Variants in ZNF804B observed in about 807,000 individuals in gnomAD.
ZNF804B encodes the protein zinc finger protein 804B, also known as zinc finger 804B.
ZNF804B carries 80 observed loss-of-function variants against 101.4 expected under a neutral mutation model. That is an observed-to-expected ratio of 0.79 (90% CI 0.66 to 0.95). The LOEUF is 0.95. Among genes scored for constraint, ZNF804B ranks in the 40% least tolerant of loss-of-function variants. The pLI, the probability that ZNF804B is intolerant of heterozygous loss-of-function variation, is 0.00. For missense variants in ZNF804B, 1,673 were observed against 1,561.9 expected (o/e 1.07, Z -1.20); for synonymous variants, 622 against 558.8 (o/e 1.11, Z -1.59).
intron 1 of ZNF804B, among the ~76,000 whole-genome samples, chr7:89,088,806 G>A (rs1289120975): frequency 1.3e-5 from 2 of 151,728 alleles, no homozygotes; most frequent in African/African-American, 2.4e-5. Flanking sequence ...TGAACAATGT[G>A]AAATGGGAGG....
At chr7:89,176,862 T>G (rs1791331148) in intron 1 of ZNF804B, among the ~76,000 whole-genome samples, 1 of 152,040 alleles carries the variant, frequency 6.6e-6, no homozygotes, top group Non-Finnish European at 1.5e-5. Context: ...TGGTTCAATC[T>G]TGGTAGGTTG....
At chr7:89,234,283 G>A (rs1404628199) in intron 2 of ZNF804B, among the ~76,000 whole-genome samples, 1 of 148,004 alleles carries the variant, frequency 6.8e-6, no homozygotes, top group Non-Finnish European at 1.5e-5. Context: ...TTTTTATTGT[G>A]GTCAACCCCC....
At position 88,759,889 on chromosome 7, in the gene ZNF804B, G is replaced by A; in HGVS notation, c.-88G>A. Reference sequence around the variant, plus strand: ...GGCCGCGTCTTCTCGGGAGGTGGTAGTCGCTGTTGCCGCTGAGAAACCCGC... The same window carrying A: ...GGCCGCGTCTTCTCGGGAGGTGGTAATCGCTGTTGCCGCTGAGAAACCCGC... On this transcript the variant is annotated 5_prime_UTR_variant, in exon 1 of 4. Transcript: ENST00000333190. The A allele has an allele frequency of 9.3e-7, 1 of 1,078,774 alleles. No individual in the cohort carries two copies. The highest frequency in any genetic ancestry group is 2.4e-5 in the East Asian group (1 of 41,906). The allele number at this position is 1,078,774 out of a possible 1,614,324, so 66.8% of individuals were successfully genotyped here. A position where few individuals can be genotyped will look rare whatever the true frequency, so the allele number is the denominator to read the frequency against.
intron 2 of ZNF804B, among the ~76,000 whole-genome samples, chr7:89,272,508 G>C (rs760223377): frequency 2.6e-5 from 4 of 152,042 alleles, no homozygotes; most frequent in Admixed American, 6.6e-5. Flanking sequence ...TTAGAAAGTT[G>C]TTCTTAATAA....
At chr7:89,114,581 G>C (rs562185896) in intron 1 of ZNF804B, among the ~76,000 whole-genome samples, 1 of 152,234 alleles carries the variant, frequency 6.6e-6, no homozygotes, top group Non-Finnish European at 1.5e-5. Flanking sequence ...CTTTCTTATT[G>C]ATGCTCTTTT....
intron 1 of ZNF804B, among the ~76,000 whole-genome samples, chr7:88,914,417 T>G (rs931116711): frequency 6.6e-6 from 1 of 152,150 alleles, no homozygotes; most frequent in Non-Finnish European, 1.5e-5. Flanking sequence ...GAAAAACATG[T>G]GACTTGAAGA....
At chr7:89,022,492 A>C (rs1382068615) in intron 1 of ZNF804B, among the ~76,000 whole-genome samples, 1 of 152,080 alleles carries the variant, frequency 6.6e-6, no homozygotes, top group Admixed American at 6.6e-5. Flanking sequence ...TTCAATTACT[A>C]TATATTTTTC....
intron 1 of ZNF804B, among the ~76,000 whole-genome samples, chr7:88,962,179 C>T (rs887421297): frequency 1.3e-5 from 2 of 151,194 alleles, no homozygotes; most frequent in African/African-American, 4.8e-5. Context: ...TATCTCTGCA[C>T]TCACTTCCTT....
At chr7:89,294,336 C>T (rs1417946626) in intron 2 of ZNF804B, among the ~76,000 whole-genome samples, 1 of 152,068 alleles carries the variant, frequency 6.6e-6, no homozygotes, top group Non-Finnish European at 1.5e-5. Context: ...TAGCCAAGTA[C>T]AAAATTTGAG....
chr7:88,828,610 T>C (rs1791082655), intron 1 of ZNF804B, among the ~76,000 whole-genome samples: 1 of 152,172 alleles, frequency 6.6e-6, no homozygotes, highest in African/African-American at 2.4e-5. Flanking sequence ...ATGTTAGTTA[T>C]TATAATGAAT....
chr7:89,216,753 C>T (rs751650479), intron 1 of ZNF804B, among the ~76,000 whole-genome samples: 1 of 152,150 alleles, frequency 6.6e-6, no homozygotes, highest in African/African-American at 2.4e-5. Context: ...TGAAAATATG[C>T]GTAAATTATT....
chr7:88,899,365 G>T (rs1215386802), intron 1 of ZNF804B, among the ~76,000 whole-genome samples: 1 of 152,054 alleles, frequency 6.6e-6, no homozygotes. Context: ...CTGCTCTAAG[G>T]TTACATACAT....
chr7:88,879,368 T>G (rs988507269), intron 1 of ZNF804B, among the ~76,000 whole-genome samples: 3 of 152,204 alleles, frequency 2.0e-5, no homozygotes, highest in African/African-American at 4.8e-5. Context: ...GAAAGGCATA[T>G]AGTACATAAA....
rs530237056 is a variant in ZNF804B, at chr7:88,896,557, A to G, written c.108+136473A>G. 2.0e-5 allele frequency among the ~76,000 whole-genome samples: 3 copies of G among 152,280 alleles called. No homozygotes were observed. In the South Asian group the frequency reaches 6.2e-4, roughly 32 times the overall value. ...ATTTTTTATTTTTATATTCATGTAT[A>G]CTTCATGTATGATTTTGTATGTTGA... On this transcript the variant is annotated intron_variant, in intron 1 of 3. Transcript: ENST00000333190.
In ZNF804B at chr7:89,335,610, C is replaced by A. The variant is rs1480067822; in HGVS notation, c.2628C>A (p.Gly876=). The A allele has an allele frequency of 6.2e-7, 1 of 1,613,962 alleles. No homozygotes were observed. The highest frequency in any genetic ancestry group is 8.5e-7 in the Non-Finnish European group (1 of 1,179,946). The stretch of plus-strand genomic sequence containing the variant: ...GCAAGAGAAATCAAGAGTCTTTGGG[C>A]AGCCCTCACATTTGTGATCTGGGAA... ...NKSKRNQESL[G]SPHICDLGKV... Residue 876 remains glycine (G), a synonymous_variant, in exon 4 of 4, where the codon GGC becomes GGA. Coordinates refer to ENST00000333190, the MANE Select transcript of ZNF804B (RefSeq NM_181646.5).
intron 1 of ZNF804B, among the ~76,000 whole-genome samples, chr7:88,980,981 C>T (rs1793685418): frequency 6.6e-6 from 1 of 152,054 alleles, no homozygotes; most frequent in Non-Finnish European, 1.5e-5. Flanking sequence ...ACTTAGGAAT[C>T]TACTTGGCGC....
intron 1 of ZNF804B, among the ~76,000 whole-genome samples, chr7:88,793,849 A>G (rs572478755): frequency 6.6e-6 from 1 of 152,032 alleles, no homozygotes; most frequent in African/African-American, 2.4e-5. Context: ...CTCTTGAGGG[A>G]TTGGATGATA....
At chr7:89,154,893 A>G (rs1790933649) in intron 1 of ZNF804B, among the ~76,000 whole-genome samples, 1 of 152,044 alleles carries the variant, frequency 6.6e-6, no homozygotes, top group Admixed American at 6.6e-5. Context: ...AAATCCTGTA[A>G]TTGTGTTACA....
intron 1 of ZNF804B, among the ~76,000 whole-genome samples, chr7:88,862,356 C>T (rs920893257): frequency 2.6e-5 from 4 of 152,150 alleles, no homozygotes; most frequent in Middle Eastern, 3.4e-3. Flanking sequence ...TTTAGCCAAT[C>T]GTGCAATAAT....
Sources: gnomAD v4.1 joint callset for allele counts (sites outside exome capture counted in the v4.1 genomes callset) on GRCh38, gnomAD v4.1.1 for gene constraint, MANE v1.5 for transcripts, NCBI Gene and HGNC (gene_info 2026-07-23, HGNC 2026-07-21) for gene names.